Variants in HSCB observed in about 807,000 individuals in gnomAD.
HSCB encodes HscB mitochondrial iron-sulfur cluster cochaperone.
Under a neutral mutation model 31.3 loss-of-function variants are expected in HSCB, and 23 were observed. The observed-to-expected ratio is 0.74, with a 90% CI of 0.53 to 1.04. The LOEUF is 1.04. HSCB is among the 50% of genes least tolerant of loss of function. HSCB has a pLI of 0.00. For missense variants in HSCB, 297 were observed against 288.1 expected, an observed-to-expected ratio of 1.03 and a Z score of -0.22; for synonymous variants, 110 against 104.5, an observed-to-expected ratio of 1.05 and a Z score of -0.32.
rs1360413894 is a variant in HSCB at position 28,757,277 on chromosome 22, G to A, written c.*108G>A. On this transcript the variant is annotated 3_prime_UTR_variant, in exon 6 of 6. Coordinates refer to ENST00000216027, the MANE Select transcript of HSCB (RefSeq NM_172002.5). ...TGAGGTGGGTGGATGACAAGGTCAG[G>A]AGTTCAAGACCAGCTTGGCCAACAT... 3 of 590,332 alleles carry A rather than the reference G, an allele frequency of 5.1e-6. No individual in the cohort carries two copies. The highest frequency in any genetic ancestry group is 3.1e-6 in the Non-Finnish European group (1 of 319,806). 36.6% of individuals were successfully genotyped at this position (590,332 alleles called of 1,614,324 possible).
rs993071913 is a variant in HSCB at position 28,745,963 on chromosome 22, G to C, written c.523G>C (p.Ala175Pro). The change falls in exon 4 of 6, where the codon GCT becomes CCT. Residue 175 changes from alanine (A) to proline (P), a missense_variant. By Grantham distance (27) the Ala-to-Pro change is conservative. Transcript: ENST00000216027. ...IMEINEKLAE[A>P]ESEAAMKEIE... is the part of the protein sequence containing the mutation. Reference sequence around the variant, plus strand: ...GGAAATCAATGAAAAACTCGCAGAAGCTGAAAGTGAAGCTGCCATGAAAGA... The same window carrying C: ...GGAAATCAATGAAAAACTCGCAGAACCTGAAAGTGAAGCTGCCATGAAAGA... The C allele has an allele frequency of 6.2e-6, 10 of 1,613,726 alleles. No homozygotes were observed. Among genetic ancestry groups the C allele is most frequent in the Non-Finnish European group, 8.5e-6 (10 of 1,179,900 alleles).
chr22:28,757,141 AG>A lies in HSCB; in HGVS notation c.681del (p.Ile228SerfsTer3). 1 of 1,561,244 alleles carries A rather than the reference AG, an allele frequency of 6.4e-7. No homozygotes were observed. Among genetic ancestry groups the A allele is most frequent in the East Asian group, 2.2e-5 (1 of 44,576 alleles). Reference protein sequence around the residue: ...KMRYFSNIEEKIKLKKIPL With the variant: ...KMRYFSNIEEXIKLKKIPL The stretch of plus-strand genomic sequence containing the variant: ...AGATACTTTTCAAATATAGAAGAAA[AG>A]ATCAAGTTAAAGAAGATTCCCCTTT... On this transcript the variant is annotated frameshift_variant, in exon 6 of 6. Coordinates refer to ENST00000216027, the MANE Select transcript of HSCB (RefSeq NM_172002.5). LOFTEE classifies it high-confidence loss of function.
At chr22:28,756,611 G>A (rs2030614560) in intron 5 of HSCB, among the ~76,000 whole-genome samples, 1 of 151,774 alleles carries the variant, frequency 6.6e-6, no homozygotes, top group African/African-American at 2.4e-5. Context: ...CAGGACTACA[G>A]GCATGTGCCA....
intron 5 of HSCB, among the ~76,000 whole-genome samples, chr22:28,754,572 AG>A (rs577697492): frequency 1.1e-4 from 16 of 152,064 alleles, no homozygotes; most frequent in Non-Finnish European, 1.8e-4. Context: ...TGGGAGTCTG[AG>A]GCACAAGAAT....
At position 28,746,380 on chromosome 22, in the gene HSCB, C is replaced by CAA. The variant is rs56751858; in HGVS notation, c.568+393_568+394dup. On this transcript the variant is annotated intron_variant, in intron 4 of 5. Transcript: ENST00000216027. ...TGGGCGACAGAGCGAGACTCCATCT[C>CAA]AAAAAAAAAAAAAAAAAAAAAAGGT... 9.0e-3 allele frequency among the ~76,000 whole-genome samples: 646 copies of CAA among 71,446 alleles called. 6 individuals are homozygous for CAA. Among genetic ancestry groups the CAA allele is most frequent in the African/African-American group, 0.011 (184 of 17,312 alleles). The allele number at this position is 71,446 out of a possible 152,430, so 46.9% of individuals were successfully genotyped here.
At position 28,745,407 on chromosome 22, in the gene HSCB, G is replaced by A. The variant is rs554807945; in HGVS notation, c.424-457G>A. ...TACCAAAAATACAAAAAAATTAGCC[G>A]GGCATGGTGGCGGGTGCCTGTAATC... On this transcript the variant is annotated intron_variant, in intron 3 of 5. Coordinates refer to ENST00000216027, the MANE Select transcript of HSCB (RefSeq NM_172002.5). 7.7e-3 allele frequency: 1,177 copies of A among 152,524 alleles called. 10 individuals carry two copies. The highest frequency in any genetic ancestry group is 0.02 in the South Asian group (98 of 4,860). The allele number at this position is 152,524 out of a possible 1,614,324, so 9.4% of individuals were successfully genotyped here. A position where few individuals can be genotyped will look rare whatever the true frequency, so the allele number is the denominator to read the frequency against.
intron 1 of HSCB, 153 bp downstream of exon 1, chr22:28,742,484 T>C: frequency 7.5e-7 from 1 of 1,333,950 alleles, no homozygotes; most frequent in South Asian, 1.5e-5. Flanking sequence ...AGTGTCTTGA[T>C]TTCTCAGGAG....
intron 4 of HSCB, among the ~76,000 whole-genome samples, chr22:28,748,346 T>C (rs1345112562): frequency 1.3e-5 from 2 of 152,156 alleles, no homozygotes; most frequent in Non-Finnish European, 2.9e-5. Context: ...CTCAAATTCA[T>C]CCACCCATCT....
chr22:28,751,283 A>G lies in HSCB; in HGVS notation c.611A>G (p.Glu204Gly). The G allele has an allele frequency of 6.3e-7, 1 of 1,592,130 alleles. No homozygotes were observed. Among genetic ancestry groups the G allele is most frequent in the Non-Finnish European group, 8.6e-7 (1 of 1,164,726 alleles). Residue 204 changes from glutamate to glycine, a missense_variant, in exon 5 of 6, where the codon GAA becomes GGA. Glu to Gly is a moderately conservative substitution (Grantham distance 98). Coordinates refer to ENST00000216027, the MANE Select transcript of HSCB (RefSeq NM_172002.5). ...ACTGACAATGTGAGCAGTGCTTTTG[A>G]ACAAGGTACTTTCTTTTCTTCACTT... ...EFTDNVSSAF[E>G]QDDFEEAKEI...
At chr22:28,745,055 CAAAAA>C (rs35101545) in intron 3 of HSCB, among the ~76,000 whole-genome samples, 2 of 100,730 alleles carry the variant, frequency 2.0e-5, no homozygotes, top group Non-Finnish European at 4.1e-5. Context: ...TGCACCCTCT[CAAAAA>C]AAAAAAAAAA....
In HSCB at chr22:28,742,475, G is replaced by A; in HGVS notation, c.236+144G>A. On this transcript the variant is annotated intron_variant, in intron 1 of 5. Transcript: ENST00000216027. ...GGTCTAGAGAGCAGGCGTGAGAGAA[G>A]TGTCTTGATTTCTCAGGAGGAAATT... The A allele has an allele frequency of 2.9e-6, 4 of 1,367,148 alleles. No individual in the cohort carries two copies. In the East Asian group the frequency reaches 7.6e-5, roughly 26 times the overall value. The allele number at this position is 1,367,148 out of a possible 1,614,324, so 84.7% of individuals were successfully genotyped here. A position where few individuals can be genotyped will look rare whatever the true frequency, so the allele number is the denominator to read the frequency against.
chr22:28,749,578 G>C (rs2030080913), intron 4 of HSCB, among the ~76,000 whole-genome samples: 1 of 152,234 alleles, frequency 6.6e-6, no homozygotes, highest in Middle Eastern at 3.4e-3. Context: ...CACATCCTCA[G>C]CTCACAGAAA....
chr22:28,742,510 G>C (rs558257090), intron 1 of HSCB, 179 bp downstream of exon 1: 10 of 1,147,992 alleles, frequency 8.7e-6, no homozygotes, highest in Non-Finnish European at 1.1e-5. Context: ...TGAGAGGCGG[G>C]GACTGAGGGA....
At chr22:28,755,139 G>A (rs1384425124) in intron 5 of HSCB, among the ~76,000 whole-genome samples, 5 of 148,630 alleles carry the variant, frequency 3.4e-5, no homozygotes, top group Non-Finnish European at 4.5e-5. Flanking sequence ...GGCCGGGCGC[G>A]GTGGCTCACG....
In HSCB at chr22:28,742,413, C is replaced by A. The variant is rs768434292; in HGVS notation, c.236+82C>A. The A allele has an allele frequency of 4.3e-5, 67 of 1,550,088 alleles. No homozygotes were observed. In the South Asian group the frequency reaches 7.6e-4, roughly 18 times the overall value. ...CTGCGAGAGGGGAGGACGGATCTGG[C>A]TGGCGGAAGAGAAGGCGGGACTGAT... On this transcript the variant is annotated intron_variant, in intron 1 of 5. Coordinates refer to ENST00000216027, the MANE Select transcript of HSCB (RefSeq NM_172002.5).
At position 28,746,104 on chromosome 22, in the gene HSCB, G is replaced by T. The variant is rs1014313972; in HGVS notation, c.568+96G>T. On this transcript the variant is annotated intron_variant, in intron 4 of 5. Coordinates refer to ENST00000216027, the MANE Select transcript of HSCB (RefSeq NM_172002.5). ...TGAACGTAGAGTATATAATGGCCCG[G>T]GTGCAGTGGCTCACGCCTATAATCC... The T allele has an allele frequency of 4.0e-6, 5 of 1,246,786 alleles. No homozygotes were observed. The African/African-American group carries it at 7.6e-5, about 19-fold the overall frequency. 77.2% of individuals were successfully genotyped at this position (1,246,786 alleles called of 1,614,324 possible). A position where few individuals can be genotyped will look rare whatever the true frequency, so the allele number is the denominator to read the frequency against.
At chr22:28,751,745 CAAA>C (rs201705418) in intron 5 of HSCB, among the ~76,000 whole-genome samples, 1 of 104,788 alleles carries the variant, frequency 9.5e-6, no homozygotes, top group Non-Finnish European at 2.0e-5. Flanking sequence ...GACTCCATCT[CAAA>C]AAAAAAAAAA....
At chr22:28,743,201 G>A (rs553987644) in intron 1 of HSCB, among the ~76,000 whole-genome samples, 269 of 152,260 alleles carry the variant, frequency 1.8e-3, no homozygotes, top group Middle Eastern at 0.01. Flanking sequence ...GAAATTTGTA[G>A]CCAAGGAGCA....
At chr22:28,744,001 T>A in intron 2 of HSCB, 23 bp downstream of exon 2, 1 of 1,532,586 alleles carries the variant, frequency 6.5e-7, no homozygotes, top group Non-Finnish European at 9.0e-7. Flanking sequence ...CCAACCCCAA[T>A]AATCCCCAAA....
Sources: allele counts gnomAD v4.1 joint callset (sites outside exome capture counted in the v4.1 genomes callset), GRCh38; gene constraint gnomAD v4.1.1; transcripts MANE v1.5; gene names NCBI Gene and HGNC (gene_info 2026-07-23, HGNC 2026-07-21).